DIS3L2: variants seen among roughly 807,000 people sequenced by gnomAD.
The protein encoded by DIS3L2 is DIS3-like exonuclease 2.
In DIS3L2, 34 loss-of-function variants were observed where a neutral mutation model predicts 97.5. The observed-to-expected ratio is 0.35, with a 90% CI of 0.27 to 0.46. DIS3L2 has a LOEUF of 0.46. Ranked by LOEUF, DIS3L2 falls within the 20% of genes least tolerant of loss-of-function variation. The pLI, the probability that DIS3L2 is intolerant of heterozygous loss-of-function variation, is 1.00. For synonymous variants in DIS3L2, 435 were observed against 445.2 expected (o/e 0.98, Z 0.29); for missense variants, 1,038 against 1,146.0 (o/e 0.91, Z 1.36).
intron 1 of DIS3L2, among the ~76,000 whole-genome samples, chr2:231,983,752 G>A (rs1366391014): frequency 6.6e-6 from 1 of 152,062 alleles, no homozygotes; most frequent in African/African-American, 2.4e-5. Flanking sequence ...AGCTGGGCAT[G>A]GTGGCATGCA....
At chr2:232,074,190 C>A (rs1696116855) in intron 5 of DIS3L2, among the ~76,000 whole-genome samples, 2 of 152,100 alleles carry the variant, frequency 1.3e-5, no homozygotes, top group Non-Finnish European at 2.9e-5. Flanking sequence ...ATTTATTTAT[C>A]TTGTATCTCT....
intron 10 of DIS3L2, among the ~76,000 whole-genome samples, chr2:232,220,978 T>C (rs1692488712): frequency 6.6e-6 from 1 of 151,404 alleles, no homozygotes; most frequent in Non-Finnish European, 1.5e-5. Flanking sequence ...GGCACATACC[T>C]GTAGTCCCAG....
At chr2:232,076,433 G>A (rs1696189761) in intron 5 of DIS3L2, among the ~76,000 whole-genome samples, 2 of 152,154 alleles carry the variant, frequency 1.3e-5, no homozygotes, top group South Asian at 4.1e-4. Context: ...GTTCTTGCTA[G>A]CATTTGGTAT....
intron 13 of DIS3L2, among the ~76,000 whole-genome samples, chr2:232,265,174 C>T (rs1486568041): frequency 1.3e-5 from 2 of 152,196 alleles, no homozygotes; most frequent in Non-Finnish European, 2.9e-5. Context: ...TGACCTGCAC[C>T]AGCCCCTTTG....
intron 9 of DIS3L2, among the ~76,000 whole-genome samples, chr2:232,204,564 C>G (rs140091877): frequency 1.2e-4 from 18 of 152,280 alleles, no homozygotes; most frequent in Middle Eastern, 3.4e-3. Context: ...TTCCCTCCCC[C>G]ACCTGGCACT....
chr2:232,218,058 G>A (rs1435263124), intron 10 of DIS3L2, among the ~76,000 whole-genome samples: 1 of 152,200 alleles, frequency 6.6e-6, no homozygotes. Context: ...ATCAGGCAAG[G>A]TAGGTCAGAG....
At chr2:232,161,208 G>C (rs372902422) in intron 8 of DIS3L2, among the ~76,000 whole-genome samples, 3 of 151,960 alleles carry the variant, frequency 2.0e-5, no homozygotes, top group African/African-American at 4.8e-5. Context: ...GAGCCACCGC[G>C]CCCAGCCTAT....
intron 5 of DIS3L2, among the ~76,000 whole-genome samples, chr2:232,070,261 C>T (rs1264097462): frequency 5.9e-5 from 9 of 152,100 alleles, no homozygotes; most frequent in Admixed American, 3.3e-4. Context: ...GGTGAGATTC[C>T]GTCTCAAAGA....
intron 5 of DIS3L2, among the ~76,000 whole-genome samples, chr2:232,064,416 A>G (rs1280625059): frequency 6.6e-6 from 1 of 152,062 alleles, no homozygotes. Flanking sequence ...GATGTTTCAG[A>G]GTTTGTTTAC....
intron 1 of DIS3L2, among the ~76,000 whole-genome samples, chr2:232,000,462 T>C (rs1237734664): frequency 1.3e-5 from 2 of 152,160 alleles, no homozygotes; most frequent in Admixed American, 6.5e-5. Context: ...TCTCTGTTCC[T>C]ATCTGTTCAA....
At chr2:232,079,583 G>A (rs1324399961) in intron 5 of DIS3L2, among the ~76,000 whole-genome samples, 3 of 110,412 alleles carry the variant, frequency 2.7e-5, no homozygotes, top group African/African-American at 1.1e-4. Context: ...CTGGGCGACA[G>A]AGCAAGACTC....
rs540506964 is a variant in DIS3L2 at position 232,337,115 on chromosome 2, G to T, written c.*485G>T. 3.0e-6 allele frequency: 3 copies of T among 1,015,114 alleles called. No individual in the cohort carries two copies. The highest frequency in any genetic ancestry group is 3.5e-6 in the Non-Finnish European group (3 of 850,484). 62.9% of individuals were successfully genotyped at this position (1,015,114 alleles called of 1,614,324 possible). A position where few individuals can be genotyped will look rare whatever the true frequency, so the allele number is the denominator to read the frequency against. On this transcript the variant is annotated 3_prime_UTR_variant, in exon 21 of 21. Coordinates refer to ENST00000325385, the MANE Select transcript of DIS3L2 (RefSeq NM_152383.5). ...GGAACTTTCCTGTCAGTTCCAACAC[G>T]ATTCAGAGCTGGCTGCCTGGCAGAT...
chr2:232,299,334 C>T (rs1694800852), intron 13 of DIS3L2, among the ~76,000 whole-genome samples: 1 of 152,110 alleles, frequency 6.6e-6, no homozygotes, highest in South Asian at 2.1e-4. Flanking sequence ...ATTCTGATTA[C>T]CTCATCTACT....
intron 8 of DIS3L2, among the ~76,000 whole-genome samples, chr2:232,138,968 A>G (rs760710888): frequency 2.5e-4 from 38 of 152,340 alleles, no homozygotes; most frequent in Admixed American, 6.5e-4. Flanking sequence ...GTAAAGCACT[A>G]TGCTATATTA....
chr2:232,125,106 G>C (rs1698019897), intron 6 of DIS3L2, among the ~76,000 whole-genome samples: 1 of 152,100 alleles, frequency 6.6e-6, no homozygotes, highest in African/African-American at 2.4e-5. Flanking sequence ...TTTCTAAAAT[G>C]CTCCCTCGTC....
chr2:232,199,039 C>T (rs918058802), intron 9 of DIS3L2, among the ~76,000 whole-genome samples: 1 of 152,176 alleles, frequency 6.6e-6, no homozygotes, highest in South Asian at 2.1e-4. Context: ...TGTCTGTTCT[C>T]AAATGTGTCC....
chr2:232,247,616 C>CGGTGGGGGGGGGGGGGGGG (rs1559173558), intron 11 of DIS3L2, among the ~76,000 whole-genome samples: 1 of 6,518 alleles, frequency 1.5e-4, no homozygotes, highest in Non-Finnish European at 6.3e-4. Context: ...ATAACTGCCG[C>CGGTGGGGGGGGGGGGGGGG]GGGGGGGGGG....
Position 232,329,785 on chromosome 2 carries a change from T to TGCCCGGGGGGGGCCC in DIS3L2, c.1740-28_1740-27insGCCCGGGGGGGGCCC. 386 of 966,982 alleles carry TGCCCGGGGGGGGCCC rather than the reference T, an allele frequency of 4.0e-4. 1 individual carries two copies. Among genetic ancestry groups the TGCCCGGGGGGGGCCC allele is most frequent in the Non-Finnish European group, 4.9e-4 (336 of 686,268 alleles). The allele number at this position is 966,982 out of a possible 1,614,324, so 59.9% of individuals were successfully genotyped here. ...CGCACCTGTCCCCAAACCCCAGCGGTCCCTCCCATCCCACCCACCCTCTGC... is the reference window on the plus strand; with the variant it reads ...CGCACCTGTCCCCAAACCCCAGCGGTGCCCGGGGGGGGCCCCCCTCCCATCCCACCCACCCTCTGC... On this transcript the variant is annotated intron_variant, in intron 14 of 20. Transcript: ENST00000325385.
intron 4 of DIS3L2, among the ~76,000 whole-genome samples, chr2:232,025,087 A>G (rs2106233974): frequency 6.6e-6 from 1 of 152,288 alleles, no homozygotes; most frequent in Non-Finnish European, 1.5e-5. Context: ...GGATACATAT[A>G]TTTTAGTTAA....
Sources: allele counts gnomAD v4.1 joint callset (sites outside exome capture counted in the v4.1 genomes callset), GRCh38; gene constraint gnomAD v4.1.1; transcripts MANE v1.5; gene names NCBI Gene and HGNC (gene_info 2026-07-23, HGNC 2026-07-21).